The following PODXL2 variants were observed in gnomAD, a reference collection of about 807,000 sequenced individuals.
The protein encoded by PODXL2 is podocalyxin like 2.
A neutral mutation model predicts 53.4 loss-of-function variants in PODXL2; 17 were observed. The ratio of observed to expected loss-of-function variants is 0.32; its 90% CI spans 0.22 to 0.48. PODXL2 has a LOEUF of 0.48. PODXL2 is among the 20% of genes least tolerant of loss of function. The probability of loss-of-function intolerance (pLI) is 0.99; values close to 1 mark genes in which losing one functional copy is unlikely to be tolerated. For missense variants in PODXL2, 673 were observed against 760.0 expected, an observed-to-expected ratio of 0.89 and a Z score of 1.35; for synonymous variants, 311 against 306.7, an observed-to-expected ratio of 1.01 and a Z score of -0.15.
At position 127,661,165 on chromosome 3, in the gene PODXL2, GT is replaced by G. The variant is rs2074765465; in HGVS notation, c.1131+7del. On this transcript the variant is annotated splice_region_variant and intron_variant, in intron 3 of 7. Transcript: ENST00000342480. ...TACCCTGGGATTCTACGCAGGTAAA[GT>G]GAGGGGCATGCGGGCCACCACCCTG... is the stretch of plus-strand genomic sequence containing the variant. 2 of 1,609,404 alleles carry G rather than the reference GT, an allele frequency of 1.2e-6. No homozygotes were observed. The highest frequency in any genetic ancestry group is 2.7e-5 in the African/African-American group (2 of 74,876).
intron 1 of PODXL2, among the ~76,000 whole-genome samples, chr3:127,630,244 C>T (rs546254887): frequency 3.3e-5 from 5 of 152,280 alleles, no homozygotes; most frequent in South Asian, 2.1e-4. Context: ...AGCTCCTGCA[C>T]ACACTGGCAG....
intron 2 of PODXL2, among the ~76,000 whole-genome samples, chr3:127,659,914 T>C (rs775660801): frequency 5.3e-5 from 8 of 152,196 alleles, no homozygotes; most frequent in Non-Finnish European, 7.3e-5. Flanking sequence ...CTTCCTCCAG[T>C]GATGAGAGGG....
chr3:127,636,467 G>A (rs2074579193), intron 1 of PODXL2, among the ~76,000 whole-genome samples: 1 of 152,216 alleles, frequency 6.6e-6, no homozygotes, highest in Admixed American at 6.5e-5. Flanking sequence ...GAACTTCAAG[G>A]GGAGTGGACC....
chr3:127,668,436 T>C lies in PODXL2; in HGVS notation c.1207-5T>C, dbSNP rs957243126. Reference sequence around the variant, plus strand: ...GAACACGGGGGGCTCTTTCTGCCCTTGTAGGAGGTGTTCCGGCAGCACCGG... The same window carrying C: ...GAACACGGGGGGCTCTTTCTGCCCTCGTAGGAGGTGTTCCGGCAGCACCGG... On this transcript the variant is annotated splice_polypyrimidine_tract_variant and splice_region_variant and intron_variant, in intron 4 of 7. Coordinates refer to ENST00000342480, the MANE Select transcript of PODXL2 (RefSeq NM_015720.4). 4.6e-6 allele frequency: 7 copies of C among 1,528,914 alleles called. No homozygotes were observed. Among genetic ancestry groups the C allele is most frequent in the Non-Finnish European group, 6.1e-6 (7 of 1,138,922 alleles). The allele number at this position is 1,528,914 out of a possible 1,614,324, so 94.7% of individuals were successfully genotyped here. A position where few individuals can be genotyped will look rare whatever the true frequency, so the allele number is the denominator to read the frequency against.
rs372000467 is a variant in PODXL2 at position 127,660,382 on chromosome 3, T to C, written c.354T>C (p.Tyr118=). 1 of 1,608,492 alleles carries C rather than the reference T, an allele frequency of 6.2e-7. No homozygotes were observed. The highest frequency in any genetic ancestry group is 1.1e-5 in the South Asian group (1 of 90,986). The change falls in exon 3 of 8, where the codon TAT becomes TAC. Residue 118 remains tyrosine (Y), a synonymous_variant. Transcript: ENST00000342480. The part of the protein sequence containing the change: ...SSLDLGPTAD[Y]VFPDLTEKAG... ...ACTTTTCATCTCTGTCCTTAGATTATGTTTTTCCTGACTTAACTGAGAAGG... is the reference window on the plus strand; with the variant it reads ...ACTTTTCATCTCTGTCCTTAGATTACGTTTTTCCTGACTTAACTGAGAAGG...
In PODXL2 at chr3:127,671,424, C is replaced by T. The variant is rs1269337131; in HGVS notation, c.1426-10C>T. ...CCTCAGCTGAGGAAACTGGCCCCTC[C>T]CACCCCTAGATTGGCATCCAGAACT... On this transcript the variant is annotated splice_polypyrimidine_tract_variant and intron_variant, in intron 6 of 7. Coordinates refer to ENST00000342480, the MANE Select transcript of PODXL2 (RefSeq NM_015720.4). 1 of 1,612,196 alleles carries T rather than the reference C, an allele frequency of 6.2e-7. No individual in the cohort carries two copies. Among genetic ancestry groups the T allele is most frequent in the Non-Finnish European group, 8.5e-7 (1 of 1,178,564 alleles).
chr3:127,668,468 C>A lies in PODXL2; in HGVS notation c.1234C>A (p.Gln412Lys). ...GGTGTTCCGGCAGCACCGGGGGCCA[C>A]AGCTCCTGGCCCTGGTGGAAGAGGT... ...CEVFRQHRGP[Q>K]LLALVEEVLP... Residue 412 changes from glutamine (Q) to lysine (K), a missense_variant, in exon 5 of 8, where the codon CAG becomes AAG. Physicochemically the swap from Gln to Lys is moderately conservative, Grantham distance 53 (BLOSUM62 1). This residue lies in a region of PODXL2 where 588 missense variants were observed against 668.3 expected (regional missense o/e 0.88). Coordinates refer to ENST00000342480, the MANE Select transcript of PODXL2 (RefSeq NM_015720.4). The A allele has an allele frequency of 6.5e-7, 1 of 1,545,866 alleles. No individual in the cohort carries two copies. The highest frequency in any genetic ancestry group is 1.2e-5 in the South Asian group (1 of 80,154).
At position 127,639,354 on chromosome 3, in the gene PODXL2, C is replaced by T. The variant is rs115503765; in HGVS notation, c.180C>T (p.Asp60=). 141 of 1,614,206 alleles carry T rather than the reference C, an allele frequency of 8.7e-5. No individual in the cohort carries two copies. The East Asian group carries it at 3.1e-3, about 35-fold the overall frequency. The change falls in exon 2 of 8, where the codon GAC becomes GAT. Residue 60 remains aspartate, a synonymous_variant. Coordinates refer to ENST00000342480, the MANE Select transcript of PODXL2 (RefSeq NM_015720.4). ...LLLPTGLEPL[D]SEEPSETMGL... ...TGCCCACTGGCTTGGAGCCACTGGA[C>T]TCAGAGGAGCCTAGTGAGACCATGG...
At chr3:127,639,551 G>A (rs1328694914) in intron 2 of PODXL2, 28 bp downstream of exon 2, 2 of 1,577,446 alleles carry the variant, frequency 1.3e-6, no homozygotes, top group Admixed American at 1.8e-5. Flanking sequence ...CAGAGCATGT[G>A]TTGAGTGCCA....
At chr3:127,632,781 G>A (rs2074554938) in intron 1 of PODXL2, among the ~76,000 whole-genome samples, 1 of 152,186 alleles carries the variant, frequency 6.6e-6, no homozygotes, top group Non-Finnish European at 1.5e-5. Flanking sequence ...TTGTTCATCT[G>A]TCTCTTGTTG....
chr3:127,641,518 A>T lies in PODXL2; in HGVS notation c.349+1995A>T, dbSNP rs538223544. Among the ~76,000 whole-genome samples, 441 of 150,210 alleles carry T rather than the reference A, an allele frequency of 2.9e-3. 3 individuals carry two copies. Among genetic ancestry groups the T allele is most frequent in the Non-Finnish European group, 3.7e-3 (247 of 67,530 alleles). ...ACCACTGTGCCTGGCTTATAACTTG[A>T]TTTTTTTTTCTTGAGACGGAGTTTT... On this transcript the variant is annotated intron_variant, in intron 2 of 7. Coordinates refer to ENST00000342480, the MANE Select transcript of PODXL2 (RefSeq NM_015720.4).
chr3:127,645,756 C>T (rs1056887652), intron 2 of PODXL2, among the ~76,000 whole-genome samples: 2 of 152,204 alleles, frequency 1.3e-5, no homozygotes, highest in African/African-American at 2.4e-5. Flanking sequence ...AGGCTGACAG[C>T]GAATAGTCAG....
At chr3:127,671,715 C>T (rs1024014663) in intron 7 of PODXL2, 102 bp downstream of exon 7, 13 of 1,162,472 alleles carry the variant, frequency 1.1e-5, no homozygotes, top group Non-Finnish European at 8.8e-6. Context: ...CCTGGGCGCA[C>T]AGGGTCCCGT....
intron 2 of PODXL2, among the ~76,000 whole-genome samples, chr3:127,657,825 C>A (rs955859029): frequency 1.3e-5 from 2 of 152,164 alleles, no homozygotes; most frequent in Non-Finnish European, 2.9e-5. Context: ...ATAGATCTGG[C>A]TATTATAAAG....
At chr3:127,668,062 T>G (rs1432076473) in intron 4 of PODXL2, among the ~76,000 whole-genome samples, 1 of 152,114 alleles carries the variant, frequency 6.6e-6, no homozygotes, top group African/African-American at 2.4e-5. Context: ...CTTACCACTC[T>G]GTGTACCCAG....
chr3:127,636,220 G>A (rs2074577306), intron 1 of PODXL2, among the ~76,000 whole-genome samples: 1 of 152,212 alleles, frequency 6.6e-6, no homozygotes, highest in African/African-American at 2.4e-5. Context: ...CCCCTCTCAG[G>A]AAGAACCTTA....
At chr3:127,648,446 A>G (rs2074668625) in intron 2 of PODXL2, among the ~76,000 whole-genome samples, 1 of 152,234 alleles carries the variant, frequency 6.6e-6, no homozygotes, top group African/African-American at 2.4e-5. Flanking sequence ...AGAGCAACAA[A>G]GAGAGCACTT....
At chr3:127,638,780 G>C (rs2074595059) in intron 1 of PODXL2, among the ~76,000 whole-genome samples, 1 of 152,184 alleles carries the variant, frequency 6.6e-6, no homozygotes, top group Non-Finnish European at 1.5e-5. Flanking sequence ...AAATACAAAT[G>C]ATATTCATAA....
chr3:127,638,801 G>A (rs2074595144), intron 1 of PODXL2, among the ~76,000 whole-genome samples: 1 of 152,196 alleles, frequency 6.6e-6, no homozygotes, highest in Non-Finnish European at 1.5e-5. Flanking sequence ...TGCAGTTTTG[G>A]AGAAATTTCA....
Sources: gnomAD v4.1 joint callset for allele counts (sites outside exome capture counted in the v4.1 genomes callset) on GRCh38, gnomAD v4.1.1 for gene constraint, gnomAD v4.1.1 regional missense constraint, MANE v1.5 for transcripts, NCBI Gene and HGNC (gene_info 2026-07-23, HGNC 2026-07-21) for gene names.